CDC20B: variants seen among roughly 807,000 people sequenced by gnomAD.
The protein encoded by CDC20B is cell division cycle protein 20 homolog B.
A neutral mutation model predicts 64.1 loss-of-function variants in CDC20B; 58 were observed. That is an observed-to-expected ratio of 0.90 (90% CI 0.73 to 1.13). The LOEUF is 1.13. Among genes scored for constraint, CDC20B ranks in the 50% most tolerant of loss-of-function variants. The probability of loss-of-function intolerance (pLI) is 0.00; values close to 1 mark genes in which losing one functional copy is unlikely to be tolerated. For synonymous variants in CDC20B, 243 were observed against 230.6 expected (o/e 1.05, Z -0.49); for missense variants, 597 against 633.0 (o/e 0.94, Z 0.61).
chr5:55,137,726 A>C, intron 5 of CDC20B: 1 of 454,862 alleles, frequency 2.2e-6, no homozygotes, highest in Non-Finnish European at 4.4e-6. Flanking sequence ...TTTTCAACCT[A>C]AGTACAGCAA....
intron 2 of CDC20B, among the ~76,000 whole-genome samples, chr5:55,149,249 T>C (rs560555556): frequency 6.6e-6 from 1 of 152,304 alleles, no homozygotes; most frequent in South Asian, 2.1e-4. Context: ...GAAACTGGAA[T>C]CTTTGTACAT....
chr5:55,137,824 C>G (rs1743223614), intron 5 of CDC20B, among the ~76,000 whole-genome samples: 1 of 152,138 alleles, frequency 6.6e-6, no homozygotes, highest in Non-Finnish European at 1.5e-5. Context: ...ATTTTCTAGA[C>G]AGTGGATAAA....
rs1198717978 is a variant in CDC20B, at chr5:55,160,216, G to A, written c.126+12372C>T. 3.1e-6 allele frequency: 5 copies of A among 1,613,936 alleles called. No individual in the cohort carries two copies. In the East Asian group the frequency reaches 1.1e-4, roughly 36 times the overall value. On this transcript the variant is annotated intron_variant, in intron 2 of 11. Transcript: ENST00000381375. ...ACATGGAGCCTCTTGCAGCTTACCC[G>A]CTAAAATGTTCCGGGCCCAGAGCAA... is the stretch of plus-strand genomic sequence containing the variant.
At chr5:55,172,226 A>G in intron 2 of CDC20B, 1 of 233,864 alleles carries the variant, frequency 4.3e-6, no homozygotes, top group Non-Finnish European at 8.5e-6. Flanking sequence ...CACATTGTCC[A>G]CAAGATGGCA....
At chr5:55,119,207 G>A (rs1465042536) in intron 11 of CDC20B, among the ~76,000 whole-genome samples, 1 of 152,098 alleles carries the variant, frequency 6.6e-6, no homozygotes, top group Non-Finnish European at 1.5e-5. Context: ...CCCTGGGCTG[G>A]GTAGAGGAGA....
rs145860916 is a variant in CDC20B at position 55,156,193 on chromosome 5, C to T, written c.127-9337G>A. ...CAGATCTCGTGAGACTTATTCACTACCACAAGAACAGTATAGGGGTAACTA... is the reference window on the plus strand; with the variant it reads ...CAGATCTCGTGAGACTTATTCACTATCACAAGAACAGTATAGGGGTAACTA... On this transcript the variant is annotated intron_variant, in intron 2 of 11. Transcript: ENST00000381375. Among the ~76,000 whole-genome samples, 703 of 152,232 alleles carry T rather than the reference C, an allele frequency of 4.6e-3. 5 individuals are homozygous for T. The highest frequency in any genetic ancestry group is 0.016 in the African/African-American group (668 of 41,532).
intron 5 of CDC20B, among the ~76,000 whole-genome samples, chr5:55,134,966 T>A (rs564958292): frequency 6.6e-5 from 10 of 152,218 alleles, no homozygotes; most frequent in Non-Finnish European, 1.5e-4. Context: ...ATAATAGTGA[T>A]ACATGTCATT....
chr5:55,119,819 T>G lies in CDC20B; in HGVS notation c.1441A>C (p.Arg481=), dbSNP rs1474408564. 2 of 1,613,628 alleles carry G rather than the reference T, an allele frequency of 1.2e-6. No individual in the cohort carries two copies. Among genetic ancestry groups the G allele is most frequent in the South Asian group, 1.1e-5 (1 of 91,058 alleles). Reference sequence around the variant, plus strand: ...TGCTTACCAAAAAACCCACCTGACCTGGACACAGTGGGACAGGTCCACACA... The same window carrying G: ...TGCTTACCAAAAAACCCACCTGACCGGGACACAGTGGGACAGGTCCACACA... The part of the protein sequence containing the change: ...VTVWTCPTVS[R]SGGFFGHRGR... The change falls in exon 11 of 12, where the codon AGG becomes CGG. Residue 481 remains arginine, a synonymous_variant. Transcript: ENST00000381375.
chr5:55,163,218 A>T (rs1160981931), intron 2 of CDC20B, among the ~76,000 whole-genome samples: 2 of 152,160 alleles, frequency 1.3e-5, no homozygotes, highest in Non-Finnish European at 2.9e-5. Flanking sequence ...ATAAATTAAG[A>T]TTTATCAAAA....
chr5:55,117,104 C>A (rs187243670), intron 11 of CDC20B, among the ~76,000 whole-genome samples: 1 of 152,250 alleles, frequency 6.6e-6, no homozygotes, highest in Admixed American at 6.5e-5. Flanking sequence ...AATGATGAAA[C>A]CAAGCCAAAG....
intron 5 of CDC20B, chr5:55,137,176 CA>C (rs56678420): frequency 0.84 from 96,131 of 114,390 alleles, 40,647 homozygotes; most frequent in Middle Eastern, 0.92. Context: ...GACTCTGTCT[CA>C]AAAAAAAAAA....
chr5:55,162,713 A>T (rs1744146436), intron 2 of CDC20B, among the ~76,000 whole-genome samples: 1 of 152,280 alleles, frequency 6.6e-6, no homozygotes, highest in African/African-American at 2.4e-5. Flanking sequence ...GCCCAAGCAC[A>T]TGCCATTGAA....
chr5:55,172,524 A>G, intron 2 of CDC20B, 64 bp downstream of exon 2: 1 of 1,272,204 alleles, frequency 7.9e-7, no homozygotes, highest in Non-Finnish European at 1.1e-6. Flanking sequence ...TACATTATTT[A>G]CCAAGAATTC....
intron 2 of CDC20B, among the ~76,000 whole-genome samples, chr5:55,147,720 G>A (rs941879599): frequency 1.3e-5 from 2 of 151,738 alleles, no homozygotes; most frequent in Non-Finnish European, 2.9e-5. Flanking sequence ...TGTAGTTTAG[G>A]GAGTAATTAC....
intron 2 of CDC20B, among the ~76,000 whole-genome samples, chr5:55,148,930 C>T (rs997727967): frequency 3.9e-5 from 6 of 152,212 alleles, no homozygotes; most frequent in African/African-American, 9.6e-5. Context: ...CAGTAAGTGG[C>T]GATGCCACAC....
intron 11 of CDC20B, among the ~76,000 whole-genome samples, chr5:55,118,030 A>G (rs1463163673): frequency 1.3e-5 from 2 of 152,010 alleles, no homozygotes; most frequent in Non-Finnish European, 2.9e-5. Flanking sequence ...GAGGCAGGAG[A>G]ATTGCTTGAA....
At chr5:55,149,313 G>A (rs1385565398) in intron 2 of CDC20B, among the ~76,000 whole-genome samples, 6 of 152,180 alleles carry the variant, frequency 3.9e-5, no homozygotes, top group Admixed American at 3.9e-4. Context: ...TTAGTTTGGT[G>A]ATACCTCAAA....
intron 2 of CDC20B, among the ~76,000 whole-genome samples, chr5:55,171,606 A>C (rs900243330): frequency 6.6e-6 from 1 of 152,048 alleles, no homozygotes; most frequent in African/African-American, 2.4e-5. Flanking sequence ...TTGAATACTG[A>C]ATTTTTTTTT....
At chr5:55,143,712 G>A in intron 3 of CDC20B, 69 bp from the exon 4 acceptor site, 1 of 1,446,154 alleles carries the variant, frequency 6.9e-7, no homozygotes, top group South Asian at 1.4e-5. Flanking sequence ...TGTAGGTCTG[G>A]CTGTGGCATC....
Sources: gnomAD v4.1 joint callset for allele counts (sites outside exome capture counted in the v4.1 genomes callset) on GRCh38, gnomAD v4.1.1 for gene constraint, MANE v1.5 for transcripts, NCBI Gene and HGNC (gene_info 2026-07-23, HGNC 2026-07-21) for gene names.